Variants in SCAPER observed in about 807,000 individuals in gnomAD.
SCAPER encodes the protein S-phase cyclin A associated protein in the ER.
A neutral mutation model predicts 182.2 loss-of-function variants in SCAPER; 98 were observed. The observed-to-expected ratio is 0.54, with a 90% CI of 0.46 to 0.64. The LOEUF (loss-of-function observed/expected upper bound fraction) is 0.64, where lower values mean the gene tolerates loss of function less well. Among genes scored for constraint, SCAPER ranks in the 30% least tolerant of loss-of-function variants. The pLI, the probability that SCAPER is intolerant of heterozygous loss-of-function variation, is 0.00. For synonymous variants in SCAPER, 605 were observed against 564.6 expected, an observed-to-expected ratio of 1.07 and a Z score of -1.01; for missense variants, 1,432 against 1,690.0, an observed-to-expected ratio of 0.85 and a Z score of 2.68.
intron 23 of SCAPER, among the ~76,000 whole-genome samples, chr15:76,568,599 C>G (rs944297864): frequency 6.6e-6 from 1 of 152,130 alleles, no homozygotes. Flanking sequence ...TCAAGTGATC[C>G]ACCCACCTCA....
chr15:76,628,703 C>T (rs762555071), intron 21 of SCAPER, among the ~76,000 whole-genome samples: 3 of 152,180 alleles, frequency 2.0e-5, no homozygotes, highest in South Asian at 2.1e-4. Flanking sequence ...AGTTGGGTAG[C>T]GCGATGTCTC....
At chr15:76,489,646 T>C (rs2052077203) in intron 24 of SCAPER, among the ~76,000 whole-genome samples, 1 of 151,908 alleles carries the variant, frequency 6.6e-6, no homozygotes, top group Admixed American at 6.5e-5. Flanking sequence ...TTTATTGTGG[T>C]AAAAACACTT....
intron 21 of SCAPER, among the ~76,000 whole-genome samples, chr15:76,663,337 G>A (rs2056339510): frequency 6.6e-6 from 1 of 152,136 alleles, no homozygotes; most frequent in South Asian, 2.1e-4. Flanking sequence ...GCTAATGGGA[G>A]TATAAAATGG....
chr15:76,847,912 C>A (rs2070284348), intron 4 of SCAPER, among the ~76,000 whole-genome samples: 1 of 152,156 alleles, frequency 6.6e-6, no homozygotes, highest in South Asian at 2.1e-4. Flanking sequence ...CAGAGCAAGA[C>A]CCTGCCTCTA....
intron 22 of SCAPER, among the ~76,000 whole-genome samples, chr15:76,607,228 T>G (rs1310950796): frequency 6.6e-6 from 1 of 152,262 alleles, no homozygotes; most frequent in Non-Finnish European, 1.5e-5. Flanking sequence ...ACAAAATCTC[T>G]CAGCATTTAC....
At chr15:76,595,985 C>CA (rs1567553155) in intron 22 of SCAPER, among the ~76,000 whole-genome samples, 1 of 120,296 alleles carries the variant, frequency 8.3e-6, no homozygotes, top group African/African-American at 2.5e-5. Context: ...GATACAGACA[C>CA]GAAAAACCCT....
At chr15:76,575,745 A>G (rs1349992969) in intron 22 of SCAPER, among the ~76,000 whole-genome samples, 1 of 152,164 alleles carries the variant, frequency 6.6e-6, no homozygotes, top group African/African-American at 2.4e-5. Context: ...TGATTTGACT[A>G]TTTCTTCAAA....
At chr15:76,865,125 T>A (rs1184541257) in intron 2 of SCAPER, among the ~76,000 whole-genome samples, 1 of 152,152 alleles carries the variant, frequency 6.6e-6, no homozygotes, top group African/African-American at 2.4e-5. Context: ...TTAATCTCTT[T>A]GACAGTATAA....
At chr15:76,440,156 G>T (rs2047462795) in intron 25 of SCAPER, among the ~76,000 whole-genome samples, 1 of 152,194 alleles carries the variant, frequency 6.6e-6, no homozygotes, top group Admixed American at 6.5e-5. Flanking sequence ...AAGGTCCAGA[G>T]GAGAAAAAGA....
intron 17 of SCAPER, among the ~76,000 whole-genome samples, chr15:76,727,791 T>C (rs2060679386): frequency 6.6e-6 from 1 of 151,770 alleles, no homozygotes; most frequent in Non-Finnish European, 1.5e-5. Context: ...TATAGGTATA[T>C]TTGCAATATA....
chr15:76,639,093 G>A (rs2053885519), intron 21 of SCAPER, among the ~76,000 whole-genome samples: 1 of 152,112 alleles, frequency 6.6e-6, no homozygotes, highest in Non-Finnish European at 1.5e-5. Context: ...TCTTTTGCCA[G>A]AAAGAGACAC....
At chr15:76,505,028 A>G in intron 23 of SCAPER, 54 bp from the exon 24 acceptor site, 1 of 1,241,360 alleles carries the variant, frequency 8.1e-7, no homozygotes, top group Non-Finnish European at 1.2e-6. Flanking sequence ...TTAAACTATA[A>G]CCAAATGATA....
At chr15:76,875,329 T>C (rs1343449486) in intron 2 of SCAPER, among the ~76,000 whole-genome samples, 2 of 152,176 alleles carry the variant, frequency 1.3e-5, no homozygotes, top group Admixed American at 1.3e-4. Flanking sequence ...GAAAATCATA[T>C]ATATGTATGT....
At chr15:76,517,512 G>A (rs896846088) in intron 23 of SCAPER, among the ~76,000 whole-genome samples, 1 of 151,806 alleles carries the variant, frequency 6.6e-6, no homozygotes, top group Admixed American at 6.6e-5. Flanking sequence ...ACTACACCCG[G>A]CTAATTTTTT....
At chr15:76,382,827 G>A (rs557827594) in intron 27 of SCAPER, among the ~76,000 whole-genome samples, 1 of 152,220 alleles carries the variant, frequency 6.6e-6, no homozygotes, top group Non-Finnish European at 1.5e-5. Context: ...TTTTCCTCTA[G>A]ATGTAAGGTC....
chr15:76,585,723 G>A (rs1002102783), intron 22 of SCAPER, among the ~76,000 whole-genome samples: 2 of 152,054 alleles, frequency 1.3e-5, no homozygotes, highest in Non-Finnish European at 2.9e-5. Flanking sequence ...TTGGTAATTT[G>A]AGCTACACCC....
At chr15:76,426,229 G>C (rs748404993) in intron 26 of SCAPER, among the ~76,000 whole-genome samples, 2 of 152,228 alleles carry the variant, frequency 1.3e-5, no homozygotes, top group Non-Finnish European at 2.9e-5. Flanking sequence ...TACAGAGGCA[G>C]ACAGGCCTCC....
intron 6 of SCAPER, among the ~76,000 whole-genome samples, chr15:76,800,663 ACGATTT>A (rs2065715455): frequency 6.6e-6 from 1 of 152,220 alleles, no homozygotes; most frequent in Admixed American, 6.5e-5. Context: ...TACGCTACTT[ACGATTT>A]ATAAGCTTCC....
chr15:76,396,200 T>A (rs900829645), intron 27 of SCAPER, among the ~76,000 whole-genome samples: 6 of 152,242 alleles, frequency 3.9e-5, no homozygotes, highest in Admixed American at 3.9e-4. Flanking sequence ...TCTGTTTTTA[T>A]GCCAGTACCA....
Sources: gnomAD v4.1 joint callset for allele counts (sites outside exome capture counted in the v4.1 genomes callset) on GRCh38, gnomAD v4.1.1 for gene constraint, MANE v1.5 for transcripts, NCBI Gene and HGNC (gene_info 2026-07-23, HGNC 2026-07-21) for gene names.